The following KYNU variants were observed in gnomAD, a reference collection of about 807,000 sequenced individuals.
KYNU encodes the protein kynureninase.
In KYNU, 54 loss-of-function variants were observed where a neutral mutation model predicts 59.2. The observed-to-expected ratio is 0.91, with a 90% CI of 0.73 to 1.14. The LOEUF is 1.14. KYNU is among the 50% of genes most tolerant of loss of function. The pLI is 0.00. For synonymous variants in KYNU, 177 were observed against 192.0 expected (o/e 0.92, Z 0.65); for missense variants, 567 against 554.4 (o/e 1.02, Z -0.23).
chr2:142,884,564 A>G (rs1188696129), intron 1 of KYNU, among the ~76,000 whole-genome samples: 1 of 152,128 alleles, frequency 6.6e-6, no homozygotes, highest in Non-Finnish European at 1.5e-5. Context: ...AGTGTGGTAC[A>G]TATTTCTAGA....
intron 10 of KYNU, among the ~76,000 whole-genome samples, chr2:143,012,516 A>T (rs1465942266): frequency 2.0e-5 from 3 of 151,992 alleles, no homozygotes; most frequent in Non-Finnish European, 4.4e-5. Flanking sequence ...GAAAGAAAGA[A>T]AAAGGGACTA....
At chr2:143,028,247 T>C in intron 10 of KYNU, among the ~76,000 whole-genome samples, 1 of 135,008 alleles carries the variant, frequency 7.4e-6, no homozygotes, top group Admixed American at 7.4e-5. Flanking sequence ...TACATTCTTT[T>C]TTTTTTTTTT....
At chr2:142,883,409 A>G (rs1681376887) in intron 1 of KYNU, among the ~76,000 whole-genome samples, 1 of 151,866 alleles carries the variant, frequency 6.6e-6, no homozygotes, top group Non-Finnish European at 1.5e-5. Context: ...CGTGTTAGCC[A>G]GGACGGTCTT....
intron 8 of KYNU, among the ~76,000 whole-genome samples, chr2:142,983,727 A>G (rs1235308444): frequency 6.6e-6 from 1 of 152,118 alleles, no homozygotes; most frequent in Non-Finnish European, 1.5e-5. Context: ...CAATTAAAAC[A>G]AAATTTTAAA....
chr2:143,027,643 G>A (rs987721548), intron 10 of KYNU, among the ~76,000 whole-genome samples: 4 of 152,038 alleles, frequency 2.6e-5, no homozygotes, highest in Admixed American at 2.6e-4. Context: ...GGTTTGCCTT[G>A]CAATTTTGTC....
At chr2:142,881,916 C>CTTTTTTTTTTT (rs869099302) in intron 1 of KYNU, among the ~76,000 whole-genome samples, 84 of 113,152 alleles carry the variant, frequency 7.4e-4, no homozygotes, top group African/African-American at 1.4e-3. Context: ...TTTCTTTTTT[C>CTTTTTTTTTTT]TTTTTTTTTT....
rs569901361 is a variant in KYNU, at chr2:143,020,946, G to C, written c.903-8681G>C. Among the ~76,000 whole-genome samples, 3 of 152,264 alleles carry C rather than the reference G, an allele frequency of 2.0e-5. No homozygotes were observed. The East Asian group carries it at 5.8e-4, about 29-fold the overall frequency. On this transcript the variant is annotated intron_variant, in intron 10 of 13. Transcript: ENST00000264170. Reference sequence around the variant, plus strand: ...GCCCTTACCCACAGTCACACCAATAGAGTACATAATCAGACTTTTGTATTT... The same window carrying C: ...GCCCTTACCCACAGTCACACCAATACAGTACATAATCAGACTTTTGTATTT...
intron 10 of KYNU, among the ~76,000 whole-genome samples, chr2:143,013,531 G>T (rs1048553525): frequency 1.5e-4 from 23 of 152,136 alleles, no homozygotes; most frequent in African/African-American, 5.6e-4. Flanking sequence ...TAGTTTTAAA[G>T]AAAAGTTGCA....
intron 8 of KYNU, among the ~76,000 whole-genome samples, chr2:142,962,077 A>G (rs1684374650): frequency 6.6e-6 from 1 of 152,236 alleles, no homozygotes; most frequent in African/African-American, 2.4e-5. Context: ...TTCTTAATTT[A>G]GATGTTAAAT....
Position 142,885,338 on chromosome 2 carries a change from T to G in KYNU, c.-19-11T>G. 6.2e-7 allele frequency: 1 copy of G among 1,609,188 alleles called. No individual in the cohort carries two copies. On this transcript the variant is annotated splice_polypyrimidine_tract_variant and intron_variant, in intron 1 of 13. Transcript: ENST00000264170. ...ATGGTGGCTAGATTATGTTTTATTATTCTCTTTCAGTTTTAGAGAACAACT... is the reference window on the plus strand; with the variant it reads ...ATGGTGGCTAGATTATGTTTTATTAGTCTCTTTCAGTTTTAGAGAACAACT...
At chr2:142,902,347 G>A (rs116088180) in intron 2 of KYNU, among the ~76,000 whole-genome samples, 2,713 of 152,242 alleles carry the variant, frequency 0.018, 67 homozygotes, top group African/African-American at 0.063. Context: ...GCTTAACACT[G>A]AGTCTTGGGT....
rs1447716677 is a variant in KYNU, at chr2:143,054,316, C to G, written c.*12144C>G. ...AGCTATAAAGGCAATTCACAATTCT[C>G]TCTTTTCTCATATATAATATAGAGC... On this transcript the variant is annotated 3_prime_UTR_variant, in exon 14 of 14. Transcript: ENST00000264170. 6.6e-6 allele frequency: 1 copy of G among 152,112 alleles called. No homozygotes were observed. Among genetic ancestry groups the G allele is most frequent in the Non-Finnish European group, 1.5e-5 (1 of 68,014 alleles). The allele number at this position is 152,112 out of a possible 1,614,324, so 9.4% of individuals were successfully genotyped here.
intron 10 of KYNU, among the ~76,000 whole-genome samples, chr2:143,029,073 A>T (rs1686664135): frequency 6.6e-6 from 1 of 152,200 alleles, no homozygotes; most frequent in Admixed American, 6.5e-5. Flanking sequence ...TATATTAAAT[A>T]AAAACCGGTC....
At chr2:143,041,337 A>G (rs916350883) in intron 13 of KYNU, among the ~76,000 whole-genome samples, 1 of 152,042 alleles carries the variant, frequency 6.6e-6, no homozygotes, top group Non-Finnish European at 1.5e-5. Flanking sequence ...TGGAGACACA[A>G]GTCAGAAATT....
At chr2:142,877,869 T>C (rs1681150506) in intron 1 of KYNU, 133 bp downstream of exon 1, 1 of 152,116 alleles carries the variant, frequency 6.6e-6, no homozygotes, top group Non-Finnish European at 1.5e-5. Context: ...CTTCTTTTTT[T>C]ATATATATTC....
chr2:142,949,310 C>T (rs982058239), intron 4 of KYNU, among the ~76,000 whole-genome samples: 4 of 152,210 alleles, frequency 2.6e-5, no homozygotes, highest in African/African-American at 7.2e-5. Context: ...CTCACAGCTC[C>T]ACTAGGTGGT....
intron 3 of KYNU, among the ~76,000 whole-genome samples, chr2:142,922,095 C>T (rs534779357): frequency 1.3e-5 from 2 of 152,292 alleles, no homozygotes; most frequent in East Asian, 3.9e-4. Flanking sequence ...TCCCTTTCTT[C>T]TTGACCAATG....
intron 4 of KYNU, among the ~76,000 whole-genome samples, chr2:142,945,926 T>TG (rs1460380812): frequency 2.0e-5 from 3 of 151,644 alleles, no homozygotes; most frequent in African/African-American, 7.3e-5. Context: ...TTAGTAGAGG[T>TG]GGGGTTTCAC....
chr2:143,013,613 A>G (rs1050860889), intron 10 of KYNU, among the ~76,000 whole-genome samples: 2 of 152,188 alleles, frequency 1.3e-5, no homozygotes, highest in African/African-American at 4.8e-5. Flanking sequence ...GTCTATCTGA[A>G]TTTAATTCTA....
Sources: allele counts gnomAD v4.1 joint callset (sites outside exome capture counted in the v4.1 genomes callset), GRCh38; gene constraint gnomAD v4.1.1; transcripts MANE v1.5; gene names NCBI Gene and HGNC (gene_info 2026-07-23, HGNC 2026-07-21).